Variants in BRDT observed in about 807,000 individuals in gnomAD.
BRDT encodes bromodomain testis associated, also known as bromodomain testis-specific protein.
In BRDT, 77 loss-of-function variants were observed where a neutral mutation model predicts 113.9. That is an observed-to-expected ratio of 0.68 (90% CI 0.56 to 0.82). BRDT has a LOEUF of 0.82. Ranked by LOEUF, BRDT falls within the 40% of genes least tolerant of loss-of-function variation. The pLI is 0.00. For synonymous variants in BRDT, 358 were observed against 366.5 expected, an observed-to-expected ratio of 0.98 and a Z score of 0.26; for missense variants, 1,027 against 1,105.4, an observed-to-expected ratio of 0.93 and a Z score of 1.01.
At chr1:92,006,365 G>A (rs538760311) in intron 18 of BRDT, among the ~76,000 whole-genome samples, 7 of 151,678 alleles carry the variant, frequency 4.6e-5, no homozygotes, top group South Asian at 2.1e-4. Flanking sequence ...TCTTTCCATC[G>A]TTTTACTTTT....
chr1:91,959,017 C>G (rs1410688760), intron 1 of BRDT, among the ~76,000 whole-genome samples: 1 of 152,014 alleles, frequency 6.6e-6, no homozygotes, highest in East Asian at 1.9e-4. Flanking sequence ...CTGTTGCACT[C>G]CAGCCTGGGA....
chr1:91,969,188 C>T (rs1466413505), intron 4 of BRDT, among the ~76,000 whole-genome samples: 1 of 152,046 alleles, frequency 6.6e-6, no homozygotes, highest in African/African-American at 2.4e-5. Flanking sequence ...GATCTGCCTG[C>T]CTCGGCCTCC....
rs1189755484 is a variant in BRDT at position 92,005,715 on chromosome 1, A to G, written c.2775+416A>G. Among the ~76,000 whole-genome samples, 3 of 152,326 alleles carry G rather than the reference A, an allele frequency of 2.0e-5. No individual in the cohort carries two copies. The East Asian group carries it at 5.8e-4, about 29-fold the overall frequency. Reference sequence around the variant, plus strand: ...CCTCGGCAATTATCTAACTCCCTAAAGTGGGAATAATAATACCTATTGTGA... The same window carrying G: ...CCTCGGCAATTATCTAACTCCCTAAGGTGGGAATAATAATACCTATTGTGA... On this transcript the variant is annotated intron_variant, in intron 18 of 18. Coordinates refer to ENST00000399546, the MANE Select transcript of BRDT (RefSeq NM_207189.4).
intron 15 of BRDT, among the ~76,000 whole-genome samples, chr1:91,997,386 T>A (rs1570614296): frequency 6.6e-6 from 1 of 152,152 alleles, no homozygotes; most frequent in Non-Finnish European, 1.5e-5. Context: ...GAAAATAGAT[T>A]TTTTGGAGGA....
Position 92,014,378 on chromosome 1 carries a change from T to A in BRDT, c.*104T>A. 1.3e-6 allele frequency: 1 copy of A among 754,042 alleles called. No homozygotes were observed. Among genetic ancestry groups the A allele is most frequent in the Non-Finnish European group, 2.1e-6 (1 of 485,946 alleles). 46.7% of individuals were successfully genotyped at this position (754,042 alleles called of 1,614,324 possible). The stretch of plus-strand genomic sequence containing the variant: ...AGATAACAAGATACCAATCTTATAT[T>A]GTATTTTGACTGCTCTAAAATGATT... On this transcript the variant is annotated 3_prime_UTR_variant, in exon 19 of 19. Transcript: ENST00000399546.
At chr1:92,013,191 C>T (rs191460623) in intron 18 of BRDT, among the ~76,000 whole-genome samples, 1 of 143,754 alleles carries the variant, frequency 7.0e-6, no homozygotes, top group Non-Finnish European at 1.5e-5. Flanking sequence ...GCACTCCAGC[C>T]TGGGTGACAA....
chr1:91,987,850 TTTTTG>T (rs1166528502), intron 12 of BRDT, among the ~76,000 whole-genome samples: 4 of 151,860 alleles, frequency 2.6e-5, no homozygotes, highest in Non-Finnish European at 5.9e-5. Flanking sequence ...CTATGGGTTT[TTTTTG>T]TTTTGTTTTG....
At chr1:91,994,052 C>T (rs753116450) in intron 14 of BRDT, 31 bp from the exon 15 acceptor site, 4 of 1,555,570 alleles carry the variant, frequency 2.6e-6, no homozygotes, top group Non-Finnish European at 3.5e-6. Context: ...ATGGTTAAAA[C>T]TAAGTGATAA....
chr1:91,966,119 A>T lies in BRDT; in HGVS notation c.330+1355A>T, dbSNP rs559834471. On this transcript the variant is annotated intron_variant, in intron 3 of 18. Transcript: ENST00000399546. ...TGGAGATTTTAAACTTAATCTTCAT[A>T]TTGGCTCTCATCCATAAAATTGGAT... is the stretch of plus-strand genomic sequence containing the variant. Among the ~76,000 whole-genome samples, 20 of 152,094 alleles carry T rather than the reference A, an allele frequency of 1.3e-4. 1 individual carries two copies. The highest frequency in any genetic ancestry group is 4.8e-4 in the African/African-American group (20 of 41,500).
At position 91,994,867 on chromosome 1, in the gene BRDT, C is replaced by CAAA. The variant is rs11330809; in HGVS notation, c.2287+636_2287+638dup. On this transcript the variant is annotated intron_variant, in intron 15 of 18. Transcript: ENST00000399546. ...TGGGCGACAGAGCAAGACTCCGTCTCAAAAAAAAAAAAAAAAAAAAAAAAA... is the reference window on the plus strand; with the variant it reads ...TGGGCGACAGAGCAAGACTCCGTCTCAAAAAAAAAAAAAAAAAAAAAAAAAAAA... Among the ~76,000 whole-genome samples, 31 of 65,482 alleles carry CAAA rather than the reference C, an allele frequency of 4.7e-4. No homozygotes were observed. In the East Asian group the frequency reaches 7.5e-3, roughly 16 times the overall value. The allele number at this position is 65,482 out of a possible 152,430, so 43.0% of individuals were successfully genotyped here.
intron 5 of BRDT, 144 bp downstream of exon 5, chr1:91,976,582 G>A (rs540977307): frequency 5.0e-5 from 40 of 795,956 alleles, no homozygotes; most frequent in Non-Finnish European, 7.0e-5. Flanking sequence ...TACTGTTTCC[G>A]CCTCTCTATG....
chr1:91,962,220 CTT>C (rs1432708453), intron 1 of BRDT, among the ~76,000 whole-genome samples: 3 of 130,886 alleles, frequency 2.3e-5, no homozygotes, highest in African/African-American at 8.5e-5. Flanking sequence ...TATAGTGAAA[CTT>C]TTACTATTTG....
chr1:91,988,148 A>G (rs1297173321), intron 12 of BRDT, among the ~76,000 whole-genome samples: 1 of 152,040 alleles, frequency 6.6e-6, no homozygotes, highest in Non-Finnish European at 1.5e-5. Flanking sequence ...TGCCCGGCCT[A>G]TGGTTAACTT....
intron 13 of BRDT, among the ~76,000 whole-genome samples, chr1:91,991,991 C>CAAAAAAAAAAAAAA (rs764759925): frequency 1.8e-4 from 12 of 67,742 alleles, no homozygotes; most frequent in East Asian, 5.7e-4. Context: ...GACTCTGTCT[C>CAAAAAAAAAAAAAA]AAAAAAAAAA....
At chr1:91,985,068 G>GATT (rs1016273904) in intron 12 of BRDT, among the ~76,000 whole-genome samples, 22 of 151,776 alleles carry the variant, frequency 1.4e-4, no homozygotes, top group Admixed American at 2.6e-4. Context: ...AATAGGCTTT[G>GATT]ATTATTATTA....
intron 1 of BRDT, among the ~76,000 whole-genome samples, chr1:91,955,144 T>C (rs924392666): frequency 3.3e-5 from 5 of 152,004 alleles, no homozygotes; most frequent in African/African-American, 1.2e-4. Context: ...ACTAGACAAG[T>C]GGTTAGGACC....
chr1:91,983,549 T>A, intron 12 of BRDT, among the ~76,000 whole-genome samples: 1 of 152,274 alleles, frequency 6.6e-6, no homozygotes, highest in South Asian at 2.1e-4. Context: ...CCACCACGCC[T>A]GGCCTAGAAT....
chr1:92,013,309 A>G (rs1451178607), intron 18 of BRDT, among the ~76,000 whole-genome samples: 5 of 152,116 alleles, frequency 3.3e-5, no homozygotes, highest in Non-Finnish European at 7.4e-5. Flanking sequence ...AGAAATTTAT[A>G]TGGTTTGTAA....
chr1:91,962,993 G>T, intron 2 of BRDT, 47 bp downstream of exon 2: 1 of 1,385,960 alleles, frequency 7.2e-7, no homozygotes, highest in Non-Finnish European at 9.7e-7. Context: ...GAAAACTCCT[G>T]TAAATTTCTG....
Sources: allele counts gnomAD v4.1 joint callset (sites outside exome capture counted in the v4.1 genomes callset), GRCh38; gene constraint gnomAD v4.1.1; transcripts MANE v1.5; gene names NCBI Gene and HGNC (gene_info 2026-07-23, HGNC 2026-07-21).